Variants in TTC31 observed in about 807,000 individuals in gnomAD.
TTC31 encodes the protein tetratricopeptide repeat protein 31.
A neutral mutation model predicts 60.4 loss-of-function variants in TTC31; 59 were observed. The ratio of observed to expected loss-of-function variants is 0.98; its 90% CI spans 0.79 to 1.21. TTC31 has a LOEUF of 1.21. Ranked by LOEUF, TTC31 falls within the 50% of genes most tolerant of loss-of-function variation. The pLI, the probability that TTC31 is intolerant of heterozygous loss-of-function variation, is 0.00. For synonymous variants in TTC31, 225 were observed against 249.6 expected (o/e 0.90, Z 0.93); for missense variants, 672 against 646.9 (o/e 1.04, Z -0.42).
At chr2:74,485,904 G>A (rs115940592) in intron 2 of TTC31, among the ~76,000 whole-genome samples, 2,139 of 152,002 alleles carry the variant, frequency 0.014, 47 homozygotes, top group African/African-American at 0.047. Context: ...ATGCCTGGCC[G>A]TCTCAGCACT....
chr2:74,487,927 G>A (rs896597547), intron 2 of TTC31, among the ~76,000 whole-genome samples: 3 of 152,072 alleles, frequency 2.0e-5, no homozygotes, highest in African/African-American at 4.8e-5. Flanking sequence ...TGACCCACCC[G>A]TCTTGGCCTC....
intron 2 of TTC31, among the ~76,000 whole-genome samples, chr2:74,486,474 T>A (rs1673119638): frequency 6.6e-6 from 1 of 152,150 alleles, no homozygotes; most frequent in Admixed American, 6.6e-5. Flanking sequence ...ATTAGGAGCA[T>A]CTAATGAGGG....
intron 2 of TTC31, chr2:74,483,677 T>G (rs1399402982): frequency 7.9e-7 from 1 of 1,258,762 alleles, no homozygotes; most frequent in Non-Finnish European, 1.0e-6. Flanking sequence ...GGGTACGAGT[T>G]CCTTGGGAAA....
At chr2:74,489,628 A>C (rs1673571327) in intron 2 of TTC31, among the ~76,000 whole-genome samples, 2 of 152,100 alleles carry the variant, frequency 1.3e-5, no homozygotes, top group Non-Finnish European at 2.9e-5. Flanking sequence ...TTTAGGTGTG[A>C]GCTAGCCTCA....
chr2:74,491,225 G>C lies in TTC31; in HGVS notation c.603+41G>C. On this transcript the variant is annotated intron_variant, in intron 6 of 12. Coordinates refer to ENST00000233623, the MANE Select transcript of TTC31 (RefSeq NM_022492.6). ...AGGTACTAAGAGCACCAAGTGCCAG[G>C]AAGGTGAGGGCCAAGAAAGCAGGCA... is the stretch of plus-strand genomic sequence containing the variant. The C allele has an allele frequency of 3.1e-6, 5 of 1,614,150 alleles. No homozygotes were observed. The South Asian group carries it at 5.5e-5, about 18-fold the overall frequency.
intron 2 of TTC31, chr2:74,483,612 C>T (rs917138579): frequency 1.4e-6 from 2 of 1,438,044 alleles, no homozygotes; most frequent in South Asian, 1.4e-5. Context: ...GTAACAGATG[C>T]TCGAAGTGGG....
intron 1 of TTC31, 37 bp downstream of exon 1, chr2:74,483,172 G>A (rs773292601): frequency 6.2e-7 from 1 of 1,614,110 alleles, no homozygotes; most frequent in South Asian, 1.1e-5. Context: ...GGTCTAGGAG[G>A]GCAGAGGCAG....
In TTC31 at chr2:74,492,940, A is replaced by G; in HGVS notation, c.1282A>G (p.Ile428Val). 6.2e-7 allele frequency: 1 copy of G among 1,607,796 alleles called. No homozygotes were observed. ...HLTLQGQRGG[I>V]CAPPLSPGAL... Reference sequence around the variant, plus strand: ...TTCTCAGCAGGGTCAGCGAGGAGGAATCTGTGCACCACCTCTGTCACCTGG... The same window carrying G: ...TTCTCAGCAGGGTCAGCGAGGAGGAGTCTGTGCACCACCTCTGTCACCTGG... The change falls in exon 13 of 13, where the codon ATC (isoleucine) becomes GTC (valine). Residue 428 changes from isoleucine to valine, a missense_variant. Coordinates refer to ENST00000233623, the MANE Select transcript of TTC31 (RefSeq NM_022492.6).
At chr2:74,485,755 C>T (rs2104120171) in intron 2 of TTC31, among the ~76,000 whole-genome samples, 1 of 152,186 alleles carries the variant, frequency 6.6e-6, no homozygotes, top group East Asian at 1.9e-4. Context: ...CAGGCGTGAG[C>T]CACCGCACCT....
rs1239713710 is a variant in TTC31, at chr2:74,491,156, G to A, written c.575G>A (p.Arg192His). The A allele has an allele frequency of 5.6e-6, 9 of 1,614,078 alleles. No homozygotes were observed. The highest frequency in any genetic ancestry group is 4.5e-5 in the East Asian group (2 of 44,902). ...CAAAAGGAACGGAAGCGACAGGAGC[G>A]TTTGGAGCAGTACTGTGGGGAGCCC... ...KRQKERKRQE[R>H]LEQYCGEPKA... The change falls in exon 6 of 13, where the codon CGT becomes CAT. Residue 192 changes from arginine to histidine, a missense_variant. Transcript: ENST00000233623.
Position 74,493,975 on chromosome 2 carries a change from A to G in TTC31, c.*757A>G, listed in dbSNP as rs1251292318. On this transcript the variant is annotated 3_prime_UTR_variant, in exon 13 of 13. Coordinates refer to ENST00000233623, the MANE Select transcript of TTC31 (RefSeq NM_022492.6). Reference sequence around the variant, plus strand: ...CTGTTTCTCCACCCCAGCACTGGGCATGGTAATTAGCCTTTCCCCATGTTA... The same window carrying G: ...CTGTTTCTCCACCCCAGCACTGGGCGTGGTAATTAGCCTTTCCCCATGTTA... 2.0e-5 allele frequency: 3 copies of G among 152,208 alleles called. No individual in the cohort carries two copies. The highest frequency in any genetic ancestry group is 4.4e-5 in the Non-Finnish European group (3 of 68,038). The allele number at this position is 152,208 out of a possible 1,614,324, so 9.4% of individuals were successfully genotyped here.
Position 74,490,083 on chromosome 2 carries a change from T to C in TTC31, c.188T>C (p.Ile63Thr), listed in dbSNP as rs200177014. Residue 63 changes from isoleucine (I) to threonine (T), a missense_variant, in exon 3 of 13, where the codon ATC becomes ACC. By Grantham distance (89) the Ile-to-Thr change is moderately conservative. Transcript: ENST00000233623. ...AGTGATCCCCAGGGCCTGCACCGGA[T>C]CCATGTGGATGGGAGCAGCGGGCGG... ...VESDPQGLHR[I>T]HVDGSSGRLQ... The C allele has an allele frequency of 1.9e-6, 3 of 1,589,556 alleles. No homozygotes were observed. The highest frequency in any genetic ancestry group is 2.6e-6 in the Non-Finnish European group (3 of 1,167,562).
rs1163878913 is a variant in TTC31, at chr2:74,492,915, T to A, written c.1264-7T>A. The A allele has an allele frequency of 1.9e-6, 3 of 1,597,034 alleles. No individual in the cohort carries two copies. Among genetic ancestry groups the A allele is most frequent in the Non-Finnish European group, 2.6e-6 (3 of 1,167,816 alleles). On this transcript the variant is annotated splice_region_variant and splice_polypyrimidine_tract_variant and intron_variant, in intron 12 of 12. Transcript: ENST00000233623. ...AGGATCTGGTGCCCTTCTCTCTCCC[T>A]TCTCAGCAGGGTCAGCGAGGAGGAA...
chr2:74,486,392 T>G (rs954077684), intron 2 of TTC31, among the ~76,000 whole-genome samples: 2 of 152,190 alleles, frequency 1.3e-5, no homozygotes, highest in African/African-American at 2.4e-5. Context: ...ATACCACCTA[T>G]GTACTAGATA....
At position 74,483,304 on chromosome 2, in the gene TTC31, C is replaced by T. The variant is rs747131687; in HGVS notation, c.41-18C>T. 2 of 1,613,852 alleles carry T rather than the reference C, an allele frequency of 1.2e-6. No homozygotes were observed. The highest frequency in any genetic ancestry group is 8.5e-7 in the Non-Finnish European group (1 of 1,180,046). On this transcript the variant is annotated intron_variant, in intron 1 of 12. Coordinates refer to ENST00000233623, the MANE Select transcript of TTC31 (RefSeq NM_022492.6). ...TGTCCCGAGCCCGCTGACGAGGCTCCGCCTTCCTTTCCTGTAGACTGCTCT... is the reference window on the plus strand; with the variant it reads ...TGTCCCGAGCCCGCTGACGAGGCTCTGCCTTCCTTTCCTGTAGACTGCTCT...
chr2:74,488,387 A>C (rs1050414508), intron 2 of TTC31, among the ~76,000 whole-genome samples: 5 of 152,184 alleles, frequency 3.3e-5, no homozygotes, highest in African/African-American at 1.2e-4. Flanking sequence ...TAACTCAATA[A>C]GTCCAAAAGA....
chr2:74,491,464 T>G lies in TTC31; in HGVS notation c.685-17T>G, dbSNP rs1388344179. On this transcript the variant is annotated splice_polypyrimidine_tract_variant and intron_variant, in intron 7 of 12. Transcript: ENST00000233623. The stretch of plus-strand genomic sequence containing the variant: ...CTTCATCCCCACCCCCTCCCTAACT[T>G]TCCATTTTGTTCACAGGACTCACTG... The G allele has an allele frequency of 6.2e-7, 1 of 1,609,624 alleles. No homozygotes were observed. Among genetic ancestry groups the G allele is most frequent in the Non-Finnish European group, 8.5e-7 (1 of 1,176,748 alleles).
rs1474434136 is a variant in TTC31 at position 74,492,991 on chromosome 2, G to A, written c.1333G>A (p.Glu445Lys). 4 of 1,614,140 alleles carry A rather than the reference G, an allele frequency of 2.5e-6. No individual in the cohort carries two copies. The highest frequency in any genetic ancestry group is 3.4e-6 in the Non-Finnish European group (4 of 1,179,998). Residue 445 changes from glutamate (E) to lysine (K), a missense_variant, in exon 13 of 13, where the codon GAG becomes AAG. Coordinates refer to ENST00000233623, the MANE Select transcript of TTC31 (RefSeq NM_022492.6). Reference protein sequence around the residue: ...PGALQPLPHAELAPSGLPSLR... With the variant: ...PGALQPLPHAKLAPSGLPSLR... ...GGCCCTCCAGCCACTTCCCCATGCT[G>A]AGCTGGCACCCTCAGGCCTACCTTC...
At chr2:74,487,680 TTA>T (rs1673291555) in intron 2 of TTC31, among the ~76,000 whole-genome samples, 5 of 151,836 alleles carry the variant, frequency 3.3e-5, no homozygotes, top group African/African-American at 1.2e-4. Context: ...TATTAATTAA[TTA>T]ATTTATTTAT....
Sources: gnomAD v4.1 joint callset for allele counts (sites outside exome capture counted in the v4.1 genomes callset) on GRCh38, gnomAD v4.1.1 for gene constraint, MANE v1.5 for transcripts, NCBI Gene and HGNC (gene_info 2026-07-23, HGNC 2026-07-21) for gene names.